LMOD1: variants seen among roughly 807,000 people sequenced by gnomAD.
The protein encoded by LMOD1 is leiomodin-1.
Under a neutral mutation model 36.5 loss-of-function variants are expected in LMOD1, and 8 were observed. The ratio of observed to expected loss-of-function variants is 0.22; its 90% CI spans 0.13 to 0.40. The LOEUF is 0.40. Ranked by LOEUF, LMOD1 falls within the 10% of genes least tolerant of loss-of-function variation. LMOD1 has a pLI of 1.00. For synonymous variants in LMOD1, 284 were observed against 288.7 expected, an observed-to-expected ratio of 0.98 and a Z score of 0.17; for missense variants, 630 against 751.1, an observed-to-expected ratio of 0.84 and a Z score of 1.88.
intron 1 of LMOD1, among the ~76,000 whole-genome samples, chr1:201,943,392 A>T (rs11806112): frequency 1.2e-4 from 19 of 152,352 alleles, no homozygotes; most frequent in African/African-American, 4.6e-4. Flanking sequence ...GTAAATGCTC[A>T]TCTTGCTTTA....
chr1:201,918,562 C>T (rs945931690), intron 1 of LMOD1, among the ~76,000 whole-genome samples: 1 of 152,138 alleles, frequency 6.6e-6, no homozygotes, highest in Non-Finnish European at 1.5e-5. Flanking sequence ...GTCTTGCTGC[C>T]CTACCCCATG....
chr1:201,915,574 A>G (rs1477518255), intron 1 of LMOD1, among the ~76,000 whole-genome samples: 1 of 152,126 alleles, frequency 6.6e-6, no homozygotes, highest in Non-Finnish European at 1.5e-5. Context: ...AGAGGAAAGG[A>G]GGGATCTGTG....
At chr1:201,944,826 G>T (rs1271400678) in intron 1 of LMOD1, among the ~76,000 whole-genome samples, 4 of 152,022 alleles carry the variant, frequency 2.6e-5, no homozygotes, top group Non-Finnish European at 5.9e-5. Flanking sequence ...CTACACTAAA[G>T]GAGTCAGGGC....
intron 1 of LMOD1, among the ~76,000 whole-genome samples, 199 bp from the exon 2 acceptor site, chr1:201,900,950 T>C (rs1681290159): frequency 6.6e-6 from 1 of 152,140 alleles, no homozygotes; most frequent in South Asian, 2.1e-4. Context: ...AGAAATGGGA[T>C]GACATCAGAC....
intron 1 of LMOD1, among the ~76,000 whole-genome samples, chr1:201,903,445 GAACTGGGTTTGACCCTCAGATC>G (rs935949315): frequency 3.3e-5 from 5 of 152,334 alleles, no homozygotes; most frequent in African/African-American, 1.2e-4. Flanking sequence ...GGCCCCCAGG[GAACTGGGTTTGACCCTCAGATC>G]AACTGGGTTT....
At chr1:201,923,883 AAGAGAGAGAGAGAGAGAGAGGGAGGG>A (rs1332076199) in intron 1 of LMOD1, among the ~76,000 whole-genome samples, 1 of 140,324 alleles carries the variant, frequency 7.1e-6, no homozygotes, top group Non-Finnish European at 1.5e-5. Flanking sequence ...AAAGAAGAAA[AAGAGAGAGAGAGAGAGAGAGGGAGGG>A]AGAGAGAGAG....
chr1:201,932,616 G>T (rs543406487), intron 1 of LMOD1, among the ~76,000 whole-genome samples: 1 of 152,130 alleles, frequency 6.6e-6, no homozygotes, highest in East Asian at 1.9e-4. Flanking sequence ...GCCAGGTATG[G>T]TGGTGCACAC....
chr1:201,914,118 A>C (rs1571580283), intron 1 of LMOD1, among the ~76,000 whole-genome samples: 1 of 152,028 alleles, frequency 6.6e-6, no homozygotes, highest in Non-Finnish European at 1.5e-5. Flanking sequence ...GTCAGTCATC[A>C]CCTTGCCAGT....
intron 1 of LMOD1, among the ~76,000 whole-genome samples, chr1:201,937,236 AG>A (rs1211300253): frequency 6.6e-6 from 1 of 152,034 alleles, no homozygotes; most frequent in Non-Finnish European, 1.5e-5. Flanking sequence ...ACTTGAGCCC[AG>A]GAGTTCAAGA....
At chr1:201,929,096 A>G (rs1425427215) in intron 1 of LMOD1, among the ~76,000 whole-genome samples, 1 of 149,196 alleles carries the variant, frequency 6.7e-6, no homozygotes, top group East Asian at 2.0e-4. Context: ...TTATTTGTTT[A>G]TTTATTTATT....
intron 1 of LMOD1, among the ~76,000 whole-genome samples, chr1:201,901,666 ATATATATACACATATATATATGTG>A (rs1558234925): frequency 1.8e-4 from 19 of 104,708 alleles, no homozygotes; most frequent in African/African-American, 6.6e-4. Context: ...ATGTGTATAT[ATATATATACACATATATATATGTG>A]TATATATATA....
At chr1:201,941,397 T>C (rs911427819) in intron 1 of LMOD1, among the ~76,000 whole-genome samples, 3 of 152,202 alleles carry the variant, frequency 2.0e-5, no homozygotes, top group Non-Finnish European at 4.4e-5. Flanking sequence ...AGTTTCAAAT[T>C]TCAGGGCGAG....
intron 1 of LMOD1, among the ~76,000 whole-genome samples, chr1:201,903,177 G>C (rs1004622828): frequency 1.3e-5 from 2 of 152,236 alleles, no homozygotes; most frequent in African/African-American, 4.8e-5. Flanking sequence ...GAGTCCTATG[G>C]AAACGGTTTG....
chr1:201,924,027 AAG>A (rs1169901256), intron 1 of LMOD1, among the ~76,000 whole-genome samples: 2 of 150,674 alleles, frequency 1.3e-5, no homozygotes, highest in African/African-American at 2.4e-5. Context: ...AAAGAAAAGA[AAG>A]AGAGAGGCTG....
At chr1:201,930,675 A>G (rs1176668535) in intron 1 of LMOD1, among the ~76,000 whole-genome samples, 1 of 152,202 alleles carries the variant, frequency 6.6e-6, no homozygotes, top group Non-Finnish European at 1.5e-5. Context: ...AGAGATAGAA[A>G]GAGAGCATAC....
Position 201,901,521 on chromosome 1 carries a change from TA to T in LMOD1, c.262-771del, listed in dbSNP as rs1558234582. Among the ~76,000 whole-genome samples, 59 of 47,584 alleles carry T rather than the reference TA, an allele frequency of 1.2e-3. 3 individuals are homozygous for T. The highest frequency in any genetic ancestry group is 5.6e-3 in the African/African-American group (58 of 10,296). 31.2% of individuals were successfully genotyped at this position (47,584 alleles called of 152,430 possible). ...CTGTCTCAAAAAAAAAATATATATA[TA>T]TATATATGTATATATATATATATAT... On this transcript the variant is annotated intron_variant, in intron 1 of 2. Transcript: ENST00000367288.
intron 1 of LMOD1, among the ~76,000 whole-genome samples, chr1:201,923,224 G>A (rs1201067672): frequency 1.3e-5 from 2 of 152,114 alleles, no homozygotes; most frequent in Non-Finnish European, 2.9e-5. Context: ...CCAGAGTGCA[G>A]CACGGTGACA....
rs773264039 is a variant in LMOD1, at chr1:201,899,450, T to C, written c.1563A>G (p.Pro521=). The change falls in exon 2 of 3, where the codon CCA becomes CCG. Residue 521 remains proline (P), a synonymous_variant. Coordinates refer to ENST00000367288, the MANE Select transcript of LMOD1 (RefSeq NM_012134.3). This position sits in a 1 kb window ranked among gnomAD's most constrained non-coding sequence, Gnocchi z 6.3. ...CACCCCCTTTTTTGGGTGAGTTCTT[T>C]GGAGAGGGCTTTGGAGATGGTTGAG... ...PSPQPSPKPS[P]KNSPKKGGAP... is the part of the protein sequence containing the mutation. 8 of 1,613,938 alleles carry C rather than the reference T, an allele frequency of 5.0e-6. No individual in the cohort carries two copies. The East Asian group carries it at 1.8e-4, about 36-fold the overall frequency.
At position 201,899,775 on chromosome 1, in the gene LMOD1, T is replaced by C. The variant is rs371823361; in HGVS notation, c.1238A>G (p.Gln413Arg). The change falls in exon 2 of 3, where the codon CAG (glutamine) becomes CGG (arginine). Residue 413 changes from glutamine to arginine, a missense_variant. Gln to Arg is a conservative substitution (Grantham distance 43). Transcript: ENST00000367288. The surrounding 1 kb of genome is among the most constrained non-coding windows in gnomAD (Gnocchi z 6.3). ...GILAIFRALLQNNTLTELRFH... is the reference protein window; with the variant it reads ...GILAIFRALLRNNTLTELRFH... ...GCGGAGCTCGGTCAGCGTGTTGTTC[T>C]GGAGGAGGGCCCGGAAGATGGCCAG... 47 of 1,613,922 alleles carry C rather than the reference T, an allele frequency of 2.9e-5. No individual in the cohort carries two copies. Among genetic ancestry groups the C allele is most frequent in the Non-Finnish European group, 3.8e-5 (45 of 1,179,904 alleles).
Sources: gnomAD v4.1 joint callset for allele counts (sites outside exome capture counted in the v4.1 genomes callset) on GRCh38, gnomAD v4.1.1 for gene constraint, Gnocchi (gnomAD v3.1) non-coding constraint, MANE v1.5 for transcripts, NCBI Gene and HGNC (gene_info 2026-07-23, HGNC 2026-07-21) for gene names.